Variants in ROR1 observed in about 807,000 individuals in gnomAD.
ROR1 encodes inactive tyrosine-protein kinase transmembrane receptor ROR1.
In ROR1, 19 loss-of-function variants were observed where a neutral mutation model predicts 78.8. That is an observed-to-expected ratio of 0.24 (90% CI 0.17 to 0.35). The LOEUF is 0.35. ROR1 is among the 10% of genes least tolerant of loss of function. The probability of loss-of-function intolerance (pLI) is 1.00; values close to 1 mark genes in which losing one functional copy is unlikely to be tolerated. For missense variants in ROR1, 917 were observed against 1,177.8 expected (o/e 0.78, Z 3.24); for synonymous variants, 386 against 433.6 (o/e 0.89, Z 1.36).
At position 64,180,888 on chromosome 1, in the gene ROR1, A is replaced by C. The variant is rs538546829; in HGVS notation, c.*2033A>C. On this transcript the variant is annotated 3_prime_UTR_variant, in exon 9 of 9. Coordinates refer to ENST00000371079, the MANE Select transcript of ROR1 (RefSeq NM_005012.4). ...TATGGTTAAAAAGTAAATTCAAGTT[A>C]GTTTTTTATAAAGAACTATAACATT... is the stretch of plus-strand genomic sequence containing the variant. 1.3e-5 allele frequency: 2 copies of C among 152,278 alleles called. No homozygotes were observed. The highest frequency in any genetic ancestry group is 4.1e-4 in the South Asian group (2 of 4,828). 9.4% of individuals were successfully genotyped at this position (152,278 alleles called of 1,614,324 possible). A position where few individuals can be genotyped will look rare whatever the true frequency, so the allele number is the denominator to read the frequency against.
At chr1:63,909,556 G>A (rs1229189109) in intron 1 of ROR1, among the ~76,000 whole-genome samples, 3 of 152,002 alleles carry the variant, frequency 2.0e-5, no homozygotes, top group South Asian at 2.1e-4. Flanking sequence ...CTTGACCTTC[G>A]TGCTGTAGTT....
At chr1:64,104,069 T>C (rs569658943) in intron 4 of ROR1, among the ~76,000 whole-genome samples, 1 of 152,288 alleles carries the variant, frequency 6.6e-6, no homozygotes, top group East Asian at 1.9e-4. Context: ...CAAACGTCAA[T>C]AGCGCTGAGA....
intron 1 of ROR1, among the ~76,000 whole-genome samples, chr1:63,899,512 T>G (rs529003353): frequency 6.6e-6 from 1 of 152,284 alleles, no homozygotes; most frequent in South Asian, 2.1e-4. Context: ...TCAGAAAGTT[T>G]CAGTGTCTTG....
At chr1:63,817,721 G>A (rs907454597) in intron 1 of ROR1, among the ~76,000 whole-genome samples, 111 of 152,256 alleles carry the variant, frequency 7.3e-4, no homozygotes, top group African/African-American at 2.6e-3. Flanking sequence ...ACTCGAGAAG[G>A]GTTAAAGGGA....
intron 1 of ROR1, among the ~76,000 whole-genome samples, chr1:63,804,053 A>C (rs1644812743): frequency 6.6e-6 from 1 of 152,150 alleles, no homozygotes; most frequent in Non-Finnish European, 1.5e-5. Flanking sequence ...ATATTTATAG[A>C]ACATTCCCAA....
chr1:63,909,219 C>A (rs1645550508), intron 1 of ROR1, among the ~76,000 whole-genome samples: 1 of 152,138 alleles, frequency 6.6e-6, no homozygotes. Context: ...AGCACGAATA[C>A]TTTTCCTCAG....
At chr1:63,834,243 G>A (rs1645006655) in intron 1 of ROR1, among the ~76,000 whole-genome samples, 1 of 151,912 alleles carries the variant, frequency 6.6e-6, no homozygotes, top group Admixed American at 6.6e-5. Context: ...GATATTTAAA[G>A]TGGGTTACTC....
At chr1:64,159,951 T>C (rs1380759379) in intron 8 of ROR1, among the ~76,000 whole-genome samples, 1 of 152,182 alleles carries the variant, frequency 6.6e-6, no homozygotes, top group Non-Finnish European at 1.5e-5. Flanking sequence ...ATCTTGGAAC[T>C]AAAATACAAC....
At chr1:63,829,051 C>T (rs1472189507) in intron 1 of ROR1, among the ~76,000 whole-genome samples, 2 of 152,162 alleles carry the variant, frequency 1.3e-5, no homozygotes, top group South Asian at 4.1e-4. Context: ...ATGTGAGCTC[C>T]ACCAGGACAG....
chr1:63,822,080 C>G (rs79912940), intron 1 of ROR1, among the ~76,000 whole-genome samples: 3,503 of 152,252 alleles, frequency 0.023, 140 homozygotes, highest in African/African-American at 0.079. Flanking sequence ...AAGAAATTAA[C>G]CAACATTAAT....
intron 1 of ROR1, among the ~76,000 whole-genome samples, chr1:63,808,493 T>C (rs1286842611): frequency 6.6e-6 from 1 of 152,250 alleles, no homozygotes; most frequent in Non-Finnish European, 1.5e-5. Context: ...AAGGCACTTA[T>C]TATAGCTGCC....
intron 2 of ROR1, among the ~76,000 whole-genome samples, chr1:64,035,742 T>C (rs1480701569): frequency 6.6e-6 from 1 of 152,152 alleles, no homozygotes; most frequent in Non-Finnish European, 1.5e-5. Context: ...ATAAAGAGAA[T>C]TAGAGTCTGG....
At chr1:64,058,684 C>T (rs1242631036) in intron 4 of ROR1, among the ~76,000 whole-genome samples, 1 of 151,412 alleles carries the variant, frequency 6.6e-6, no homozygotes, top group African/African-American at 2.4e-5. Context: ...AGAATAATTC[C>T]TACTTGGCCA....
At chr1:64,137,554 AG>A in intron 5 of ROR1, 58 bp downstream of exon 5, 1 of 1,535,954 alleles carries the variant, frequency 6.5e-7, no homozygotes, top group Non-Finnish European at 8.9e-7. Context: ...TCTCGCCAAA[AG>A]TTTTATTGAG....
intron 1 of ROR1, among the ~76,000 whole-genome samples, chr1:63,965,187 G>A (rs996568303): frequency 2.0e-5 from 3 of 152,076 alleles, no homozygotes; most frequent in Admixed American, 1.3e-4. Flanking sequence ...TTTGCCCAAC[G>A]TTAACACAGC....
At chr1:63,906,300 G>C (rs1645528170) in intron 1 of ROR1, among the ~76,000 whole-genome samples, 1 of 152,162 alleles carries the variant, frequency 6.6e-6, no homozygotes, top group African/African-American at 2.4e-5. Flanking sequence ...CTCTCCTCCT[G>C]TGTCCTCTTT....
At chr1:63,841,881 A>G (rs1407838167) in intron 1 of ROR1, among the ~76,000 whole-genome samples, 1 of 151,706 alleles carries the variant, frequency 6.6e-6, no homozygotes, top group African/African-American at 2.4e-5. Flanking sequence ...CTTTAATCCA[A>G]CTCTTCTCCT....
intron 2 of ROR1, among the ~76,000 whole-genome samples, chr1:64,016,909 T>G (rs974685418): frequency 6.6e-6 from 1 of 151,096 alleles, no homozygotes; most frequent in Non-Finnish European, 1.5e-5. Context: ...GAAAAACACA[T>G]AGGGATTATT....
chr1:63,903,680 T>C (rs1018486054), intron 1 of ROR1, among the ~76,000 whole-genome samples: 3 of 152,064 alleles, frequency 2.0e-5, no homozygotes, highest in Non-Finnish European at 2.9e-5. Context: ...TTGCAAAATG[T>C]GCACAGATTA....
Sources: allele counts gnomAD v4.1 joint callset (sites outside exome capture counted in the v4.1 genomes callset), GRCh38; gene constraint gnomAD v4.1.1; transcripts MANE v1.5; gene names NCBI Gene and HGNC (gene_info 2026-07-23, HGNC 2026-07-21).